NLRC3: variants seen among roughly 807,000 people sequenced by gnomAD.
NLRC3 encodes the protein NLR family CARD domain-containing protein 3.
A neutral mutation model predicts 91.6 loss-of-function variants in NLRC3; 87 were observed. The observed-to-expected ratio is 0.95, with a 90% CI of 0.80 to 1.14. The LOEUF is 1.14. Ranked by LOEUF, NLRC3 falls within the 50% of genes most tolerant of loss-of-function variation. The probability of loss-of-function intolerance (pLI) is 0.00; values close to 1 mark genes in which losing one functional copy is unlikely to be tolerated. For missense variants in NLRC3, 1,577 were observed against 1,418.6 expected (o/e 1.11, Z -1.79); for synonymous variants, 694 against 625.3 (o/e 1.11, Z -1.64).
rs1402238408 is a variant in NLRC3, at chr16:3,563,393, C to A, written c.1544G>T (p.Arg515Leu). The change falls in exon 5 of 20, where the codon CGC becomes CTC. Residue 515 changes from arginine to leucine, a missense_variant. Transcript: ENST00000359128. ...AEDGRLDVFL[R>L]FLSGLLSPRV... ...CGGAGACAAGAGGCCGGAGAGGAAG[C>A]GCAGGAACACGTCCAGCCTCCCGTC... 1 of 1,579,270 alleles carries A rather than the reference C, an allele frequency of 6.3e-7. No homozygotes were observed. Among genetic ancestry groups the A allele is most frequent in the African/African-American group, 1.3e-5 (1 of 74,310 alleles).
At chr16:3,552,333 G>A in intron 9 of NLRC3, 54 bp from the exon 10 acceptor site, 1 of 1,290,112 alleles carries the variant, frequency 7.8e-7, no homozygotes, top group African/African-American at 1.5e-5. Context: ...GCCATTCCCA[G>A]GCCAAGGACG....
At chr16:3,574,437 G>A (rs1407520662) in intron 1 of NLRC3, among the ~76,000 whole-genome samples, 1 of 152,138 alleles carries the variant, frequency 6.6e-6, no homozygotes, top group African/African-American at 2.4e-5. Flanking sequence ...GAGCGGGGCT[G>A]GGAGAGGAAT....
At chr16:3,562,842 C>G (rs767437175) in intron 5 of NLRC3, 167 bp downstream of exon 5, 80 of 731,868 alleles carry the variant, frequency 1.1e-4, no homozygotes, top group Non-Finnish European at 1.5e-4. Context: ...TTCTGGCCTC[C>G]AGAACTGCGA....
intron 8 of NLRC3, 143 bp downstream of exon 8, chr16:3,556,768 G>A: frequency 1.6e-6 from 1 of 630,426 alleles, no homozygotes; most frequent in Non-Finnish European, 2.9e-6. Context: ...CTCCCAAAGG[G>A]TTGGGATTAC....
intron 8 of NLRC3, among the ~76,000 whole-genome samples, chr16:3,554,890 A>G (rs2039220017): frequency 1.3e-5 from 2 of 152,208 alleles, no homozygotes; most frequent in South Asian, 4.1e-4. Flanking sequence ...GAATGGATCA[A>G]CATATCATGG....
chr16:3,569,388 A>G (rs1426860189), intron 1 of NLRC3, among the ~76,000 whole-genome samples: 1 of 104,122 alleles, frequency 9.6e-6, no homozygotes, highest in Non-Finnish European at 1.8e-5. Flanking sequence ...ATATATATAT[A>G]TATATATTAT....
rs555881647 is a variant in NLRC3, at chr16:3,546,496, G to A, written c.2771+1639C>T. Among the ~76,000 whole-genome samples, 3 of 152,224 alleles carry A rather than the reference G, an allele frequency of 2.0e-5. No homozygotes were observed. The South Asian group carries it at 6.2e-4, about 32-fold the overall frequency. On this transcript the variant is annotated intron_variant, in intron 15 of 19. Transcript: ENST00000359128. ...CGCTTGGACCTGGGAGGCAGAGGTT[G>A]CAGTGAGCCGAGATCACGCCTCTGC... is the stretch of plus-strand genomic sequence containing the variant.
rs182741307 is a variant in NLRC3, at chr16:3,576,693, C to T, written c.-169+456G>A. ...TTTTGTTTTGTTTTGGAGACAGTCT[C>T]GCTTTGTCACCCAGGATTGAGTGCA... On this transcript the variant is annotated intron_variant, in intron 1 of 19. Transcript: ENST00000359128. Among the ~76,000 whole-genome samples, 8 of 152,170 alleles carry T rather than the reference C, an allele frequency of 5.3e-5. No individual in the cohort carries two copies. In the East Asian group the frequency reaches 9.7e-4, roughly 18 times the overall value.
At chr16:3,571,093 C>T (rs2040082246) in intron 1 of NLRC3, among the ~76,000 whole-genome samples, 2 of 152,014 alleles carry the variant, frequency 1.3e-5, no homozygotes, top group African/African-American at 4.8e-5. Context: ...ATAATATCTA[C>T]ACATTAAGGA....
chr16:3,548,731 C>A lies in NLRC3; in HGVS notation c.2626G>T (p.Asp876Tyr). 6.2e-7 allele frequency: 1 copy of A among 1,603,980 alleles called. No homozygotes were observed. Among genetic ancestry groups the A allele is most frequent in the Non-Finnish European group, 8.5e-7 (1 of 1,175,666 alleles). ...ACTGCGATGGCCCGGGCACCCTGGT[C>A]GTGGAGGAGGTTGGCTGTCAGGCTA... ...NLDLTANLLH[D>Y]QGARAIAVAV... The change falls in exon 14 of 20, where the codon GAC (aspartate) becomes TAC (tyrosine). Residue 876 changes from aspartate to tyrosine, a missense_variant. Transcript: ENST00000359128.
chr16:3,550,411 C>T lies in NLRC3; in HGVS notation c.2435+3G>A, dbSNP rs376093491. ...GAATCGTCACCCTGGCAGGTGGACT[C>T]ACTCCAGGCTCTCCAGGCCCTGGTT... On this transcript the variant is annotated splice_donor_region_variant and intron_variant, in intron 11 of 19. Coordinates refer to ENST00000359128, the MANE Select transcript of NLRC3 (RefSeq NM_178844.4). 1.2e-6 allele frequency: 2 copies of T among 1,602,504 alleles called. No individual in the cohort carries two copies. The highest frequency in any genetic ancestry group is 1.7e-6 in the Non-Finnish European group (2 of 1,169,532).
intron 15 of NLRC3, among the ~76,000 whole-genome samples, chr16:3,546,439 C>G (rs1225227731): frequency 6.6e-6 from 1 of 151,280 alleles, no homozygotes; most frequent in African/African-American, 2.4e-5. Context: ...CACCTGTAAT[C>G]CCAGCTACTC....
At chr16:3,572,664 TG>T (rs1185443699) in intron 1 of NLRC3, among the ~76,000 whole-genome samples, 1 of 152,186 alleles carries the variant, frequency 6.6e-6, no homozygotes, top group Non-Finnish European at 1.5e-5. Flanking sequence ...AACCATTATC[TG>T]TTGTCATTAA....
At chr16:3,575,741 C>G (rs1304525315) in intron 1 of NLRC3, among the ~76,000 whole-genome samples, 2 of 144,826 alleles carry the variant, frequency 1.4e-5, no homozygotes, top group African/African-American at 2.9e-5. Flanking sequence ...TGCCCATCAC[C>G]CGCCCACCTG....
intron 3 of NLRC3, 74 bp from the exon 4 acceptor site, chr16:3,565,134 C>G (rs1449551186): frequency 8.5e-7 from 1 of 1,176,654 alleles, no homozygotes; most frequent in Non-Finnish European, 1.2e-6. Context: ...GAGCAAGTCC[C>G]CAGGAACGGG....
chr16:3,565,781 A>G, intron 2 of NLRC3, among the ~76,000 whole-genome samples: 1 of 134,210 alleles, frequency 7.5e-6, no homozygotes, highest in Admixed American at 7.2e-5. Context: ...AGTGACTCAC[A>G]CCTTTAATCC....
chr16:3,569,557 C>T (rs1197862523), intron 1 of NLRC3, among the ~76,000 whole-genome samples: 2 of 151,278 alleles, frequency 1.3e-5, no homozygotes, highest in Admixed American at 6.6e-5. Flanking sequence ...CACCACCATG[C>T]CTGGCTAATT....
At chr16:3,573,153 C>T (rs1416005764) in intron 1 of NLRC3, among the ~76,000 whole-genome samples, 2 of 151,842 alleles carry the variant, frequency 1.3e-5, no homozygotes, top group African/African-American at 4.8e-5. Context: ...CACCATGGCT[C>T]ACCCCTGTAA....
intron 6 of NLRC3, among the ~76,000 whole-genome samples, chr16:3,560,999 A>AAAATTAAATTTG (rs1008960068): frequency 6.6e-6 from 1 of 152,132 alleles, no homozygotes; most frequent in Non-Finnish European, 1.5e-5. Flanking sequence ...AAATTGATTT[A>AAAATTAAATTTG]AAATTAAATT....
Sources: allele counts gnomAD v4.1 joint callset (sites outside exome capture counted in the v4.1 genomes callset), GRCh38; gene constraint gnomAD v4.1.1; transcripts MANE v1.5; gene names NCBI Gene and HGNC (gene_info 2026-07-23, HGNC 2026-07-21).